Variants in SMARCA4 observed in about 807,000 individuals in gnomAD.
SMARCA4 encodes SWI/SNF-related matrix-associated actin-dependent regulator of chromatin subfamily A member 4.
A neutral mutation model predicts 193.9 loss-of-function variants in SMARCA4; 31 were observed. The ratio of observed to expected loss-of-function variants is 0.16; its 90% CI spans 0.12 to 0.22. The LOEUF is 0.22. Among genes scored for constraint, SMARCA4 ranks in the 10% least tolerant of loss-of-function variants. The pLI, the probability that SMARCA4 is intolerant of heterozygous loss-of-function variation, is 1.00. For synonymous variants in SMARCA4, 942 were observed against 933.1 expected, an observed-to-expected ratio of 1.01 and a Z score of -0.17; for missense variants, 1,148 against 2,296.0, an observed-to-expected ratio of 0.50 and a Z score of 10.22.
Position 11,058,971 on chromosome 19 carries a change from T to A in SMARCA4, c.4635+82T>A. 1 of 1,115,902 alleles carries A rather than the reference T, an allele frequency of 9.0e-7. No individual in the cohort carries two copies. The highest frequency in any genetic ancestry group is 1.3e-6 in the Non-Finnish European group (1 of 742,204). 69.1% of individuals were successfully genotyped at this position (1,115,902 alleles called of 1,614,324 possible). On this transcript the variant is annotated intron_variant, in intron 32 of 34. Transcript: ENST00000344626. This position sits in a 1 kb window ranked among gnomAD's most constrained non-coding sequence, Gnocchi z 5.8. ...AACCCGCCCCTCCTTCCCTTCTGAA[T>A]TGATGGGTTAAAAACAAGTCCCGCT...
Position 11,025,628 on chromosome 19 carries a change from T to C in SMARCA4, c.3168+120T>C, listed in dbSNP as rs186362541. ...TCGAATATTTTCATTAGGTAATGCC[T>C]GTACATCTGTCTCTCATTTGGTCTT... On this transcript the variant is annotated intron_variant, in intron 22 of 34. Coordinates refer to ENST00000344626, the MANE Select transcript of SMARCA4 (RefSeq NM_003072.5). 6,387 of 750,968 alleles carry C rather than the reference T, an allele frequency of 8.5e-3. 47 individuals carry two copies. The highest frequency in any genetic ancestry group is 0.015 in the South Asian group (1,074 of 70,690). The allele number at this position is 750,968 out of a possible 1,614,324, so 46.5% of individuals were successfully genotyped here.
Position 11,062,266 on chromosome 19 carries a change from C to T in SMARCA4, c.*450C>T, listed in dbSNP as rs2076933314. ...GTCAAACAGTAATAAATTAAACCAACAACAAAACGCACAGCCTTGCCTGCA... is the reference window on the plus strand; with the variant it reads ...GTCAAACAGTAATAAATTAAACCAATAACAAAACGCACAGCCTTGCCTGCA... On this transcript the variant is annotated 3_prime_UTR_variant, in exon 35 of 35. Coordinates refer to ENST00000344626, the MANE Select transcript of SMARCA4 (RefSeq NM_003072.5). The T allele has an allele frequency of 1.5e-5, 4 of 263,570 alleles. No individual in the cohort carries two copies. The South Asian group carries it at 3.1e-4, about 20-fold the overall frequency. The allele number at this position is 263,570 out of a possible 1,614,324, so 16.3% of individuals were successfully genotyped here.
At chr19:10,995,693 C>T (rs2145957742) in intron 9 of SMARCA4, 2 of 367,984 alleles carry the variant, frequency 5.4e-6, no homozygotes, top group Admixed American at 3.6e-5. Flanking sequence ...GCTCCCAGAA[C>T]AGCGTTGTGT....
intron 30 of SMARCA4, among the ~76,000 whole-genome samples, chr19:11,050,589 G>A (rs2146969394): frequency 6.6e-6 from 1 of 152,370 alleles, no homozygotes; most frequent in East Asian, 1.9e-4. Context: ...TGCTACTGCT[G>A]AAGGCCTGTC....
chr19:10,997,134 C>T (rs1366514013), intron 11 of SMARCA4, among the ~76,000 whole-genome samples: 1 of 152,164 alleles, frequency 6.6e-6, no homozygotes, highest in African/African-American at 2.4e-5. Context: ...ATTGTCCTGC[C>T]TCAGCCTCCT....
Position 11,006,232 on chromosome 19 carries a change from G to A in SMARCA4, c.2002-1670G>A, listed in dbSNP as rs139825153. ...CAATACAAGAATAGTTTAAGATAAG[G>A]AAATGCATTCTTGTCTATGTTATCA... On this transcript the variant is annotated intron_variant, in intron 13 of 34. Coordinates refer to ENST00000344626, the MANE Select transcript of SMARCA4 (RefSeq NM_003072.5). Among the ~76,000 whole-genome samples, 726 of 152,316 alleles carry A rather than the reference G, an allele frequency of 4.8e-3. 5 individuals carry two copies. Among genetic ancestry groups the A allele is most frequent in the African/African-American group, 0.017 (692 of 41,574 alleles).
At chr19:10,969,534 G>A (rs982744292) in intron 1 of SMARCA4, among the ~76,000 whole-genome samples, 38 of 151,898 alleles carry the variant, frequency 2.5e-4, no homozygotes, top group Non-Finnish European at 5.1e-4. Context: ...GGGTTCAAGC[G>A]ATTCTCCTGC....
Position 10,986,512 on chromosome 19 carries a change from G to T in SMARCA4, c.679G>T (p.Ala227Ser), listed in dbSNP as rs769096295. 18 of 1,545,208 alleles carry T rather than the reference G, an allele frequency of 1.2e-5. No individual in the cohort carries two copies. Among genetic ancestry groups the T allele is most frequent in the Non-Finnish European group, 1.4e-5 (16 of 1,146,984 alleles). ...AACGCTACCTCCACCCTCGGTGTCC[G>T]CAACAGGACCCGGCCCTGGCCCTGG... ...MPTLPPPSVSATGPGPGPGPG... is the reference protein window; with the variant it reads ...MPTLPPPSVSSTGPGPGPGPG... The change falls in exon 4 of 35, where the codon GCA (alanine) becomes TCA (serine). Residue 227 changes from alanine to serine, a missense_variant. This residue lies in a region of SMARCA4 where 257 missense variants were observed against 276.5 expected (regional missense o/e 0.93). Coordinates refer to ENST00000344626, the MANE Select transcript of SMARCA4 (RefSeq NM_003072.5). This position sits in a 1 kb window ranked among gnomAD's most constrained non-coding sequence, Gnocchi z 6.7.
chr19:10,968,161 T>C (rs1355126672), intron 1 of SMARCA4, among the ~76,000 whole-genome samples: 1 of 152,200 alleles, frequency 6.6e-6, no homozygotes, highest in Non-Finnish European at 1.5e-5. Context: ...AGTAATTTTG[T>C]ATTTTTAGTA....
At chr19:11,008,177 A>G in intron 14 of SMARCA4, 154 bp downstream of exon 14, 1 of 715,270 alleles carries the variant, frequency 1.4e-6, no homozygotes, top group South Asian at 1.5e-5. Context: ...TTTACTTCAC[A>G]TTTCATGTAT....
intron 14 of SMARCA4, among the ~76,000 whole-genome samples, chr19:11,009,686 ACTTTTT>A (rs2088625394): frequency 7.1e-6 from 1 of 140,660 alleles, no homozygotes. Context: ...CGCCCGGCTA[ACTTTTT>A]TTTTTTTTTT....
intron 1 of SMARCA4, among the ~76,000 whole-genome samples, chr19:10,964,605 A>G (rs1172554361): frequency 1.4e-5 from 2 of 147,022 alleles, no homozygotes; most frequent in Non-Finnish European, 3.0e-5. Context: ...AGTATGAGCC[A>G]CCGCGCCCGG....
Position 11,003,011 on chromosome 19 carries a change from C to T in SMARCA4, c.1813-18C>T, listed in dbSNP as rs763607731. 68 of 1,613,886 alleles carry T rather than the reference C, an allele frequency of 4.2e-5. No individual in the cohort carries two copies. The highest frequency in any genetic ancestry group is 5.5e-5 in the Non-Finnish European group (65 of 1,179,936). ...GAGGCCCTGCAACCTCAGTGTCACA[C>T]GAATGACTCTTTTTCAGCCTCTGGA... On this transcript the variant is annotated intron_variant, in intron 11 of 34. Transcript: ENST00000344626.
Position 10,991,314 on chromosome 19 carries a change from G to A in SMARCA4, c.1410G>A (p.Gln470=), listed in dbSNP as rs376367395. 16 of 1,599,130 alleles carry A rather than the reference G, an allele frequency of 1.0e-5. No individual in the cohort carries two copies. Among genetic ancestry groups the A allele is most frequent in the Non-Finnish European group, 1.3e-5 (15 of 1,173,512 alleles). The change falls in exon 8 of 35, where the codon CAG becomes CAA. Residue 470 remains glutamine, a synonymous_variant. Coordinates refer to ENST00000344626, the MANE Select transcript of SMARCA4 (RefSeq NM_003072.5). ...QKIEQERKRR[Q]KHQEYLNSIL... ...TCGAGCAGGAGCGCAAGCGCCGGCA[G>A]AAGCACCAGGTACGCTCCGGTGGCC...
intron 30 of SMARCA4, among the ~76,000 whole-genome samples, chr19:11,045,197 G>A (rs900892263): frequency 1.3e-5 from 2 of 152,186 alleles, no homozygotes; most frequent in African/African-American, 4.8e-5. Context: ...GTGGGCGCCT[G>A]TAGTCCCAGC....
chr19:10,986,872 A>G lies in SMARCA4; in HGVS notation c.761-33A>G, dbSNP rs1441845183. ...GGGCGCAGGCATAAACCTGGGACGC[A>G]CTGTTTTCTCTTTTGTTTCTCCCTA... On this transcript the variant is annotated intron_variant, in intron 4 of 34. Transcript: ENST00000344626. The surrounding 1 kb of genome is among the most constrained non-coding windows in gnomAD (Gnocchi z 6.7). 7.7e-6 allele frequency: 12 copies of G among 1,559,298 alleles called. No individual in the cohort carries two copies. In the East Asian group the frequency reaches 1.3e-4, roughly 17 times the overall value.
Position 11,058,781 on chromosome 19 carries a change from A to G in SMARCA4, c.4534-7A>G, listed in dbSNP as rs1718750372. The G allele has an allele frequency of 6.2e-7, 1 of 1,613,336 alleles. No homozygotes were observed. The highest frequency in any genetic ancestry group is 8.5e-7 in the Non-Finnish European group (1 of 1,179,376). On this transcript the variant is annotated splice_region_variant and splice_polypyrimidine_tract_variant and intron_variant, in intron 31 of 34. Coordinates refer to ENST00000344626, the MANE Select transcript of SMARCA4 (RefSeq NM_003072.5). This position sits in a 1 kb window ranked among gnomAD's most constrained non-coding sequence, Gnocchi z 5.8. ...GAGGTAAGACCTGCTCCTCCCGTCC[A>G]CTGCAGGAGCGCATTCGCAACCACA...
intron 11 of SMARCA4, among the ~76,000 whole-genome samples, chr19:10,997,909 A>G (rs992938293): frequency 6.6e-6 from 1 of 152,222 alleles, no homozygotes; most frequent in African/African-American, 2.4e-5. Context: ...GGAGGTGAAC[A>G]TTGGTACAGC....
Position 10,987,316 on chromosome 19 carries a change from T to C in SMARCA4, c.859+313T>C, listed in dbSNP as rs1259646480. Among the ~76,000 whole-genome samples, 4 of 152,212 alleles carry C rather than the reference T, an allele frequency of 2.6e-5. No individual in the cohort carries two copies. The highest frequency in any genetic ancestry group is 5.9e-5 in the Non-Finnish European group (4 of 68,028). On this transcript the variant is annotated intron_variant, in intron 5 of 34. Transcript: ENST00000344626. The surrounding 1 kb of genome is among the most constrained non-coding windows in gnomAD (Gnocchi z 5.3). ...CAGTGGGACTCATTACCCATCCTCTTGGAGCCTGAGGTTTAGCGATGGGCA... is the reference window on the plus strand; with the variant it reads ...CAGTGGGACTCATTACCCATCCTCTCGGAGCCTGAGGTTTAGCGATGGGCA...
Sources: gnomAD v4.1 joint callset for allele counts (sites outside exome capture counted in the v4.1 genomes callset) on GRCh38, gnomAD v4.1.1 for gene constraint, gnomAD v4.1.1 regional missense constraint, Gnocchi (gnomAD v3.1) non-coding constraint, MANE v1.5 for transcripts, NCBI Gene and HGNC (gene_info 2026-07-23, HGNC 2026-07-21) for gene names.